The following KIN variants were observed in gnomAD, a reference collection of about 807,000 sequenced individuals.
The protein encoded by KIN is Kin17 DNA and RNA binding protein, also known as DNA/RNA-binding protein KIN17.
A neutral mutation model predicts 63.0 loss-of-function variants in KIN; 47 were observed. The observed-to-expected ratio is 0.75, with a 90% CI of 0.59 to 0.95. KIN has a LOEUF of 0.95. KIN is among the 40% of genes least tolerant of loss of function. KIN has a pLI of 0.00. For missense variants in KIN, 408 were observed against 460.9 expected (o/e 0.89, Z 1.05); for synonymous variants, 160 against 157.7 (o/e 1.01, Z -0.11).
intron 7 of KIN, among the ~76,000 whole-genome samples, chr10:7,771,303 T>C (rs1056318504): frequency 2.2e-4 from 34 of 152,226 alleles, no homozygotes; most frequent in African/African-American, 7.5e-4. Flanking sequence ...TAAGCAGTTA[T>C]TTTTGGCTTG....
chr10:7,781,459 T>C (rs1835892809), intron 2 of KIN, among the ~76,000 whole-genome samples: 1 of 152,050 alleles, frequency 6.6e-6, no homozygotes, highest in Non-Finnish European at 1.5e-5. Context: ...AAGCATTAAA[T>C]AATTTTGTTT....
Position 7,783,113 on chromosome 10 carries a change from T to C in KIN, c.177A>G (p.Glu59=). The C allele has an allele frequency of 6.2e-7, 1 of 1,602,978 alleles. No individual in the cohort carries two copies. The highest frequency in any genetic ancestry group is 8.5e-7 in the Non-Finnish European group (1 of 1,174,424). The part of the protein sequence containing the change: ...SHQRQLLLAS[E]NPQQFMDYFS... ...AATAATCCATAAACTGCTGAGGATT[T>C]TCTGAAGCCAGCAATAGTTGTCTCT... The change falls in exon 2 of 13, where the codon GAA becomes GAG. Residue 59 remains glutamate, a synonymous_variant. Coordinates refer to ENST00000379562, the MANE Select transcript of KIN (RefSeq NM_012311.4).
chr10:7,785,813 G>GAAAA (rs68002439), intron 1 of KIN, among the ~76,000 whole-genome samples: 1 of 135,476 alleles, frequency 7.4e-6, no homozygotes, highest in Non-Finnish European at 1.6e-5. Flanking sequence ...ACTCTGTCTA[G>GAAAA]AAAAAAAAAA....
rs142184021 is a variant in KIN, at chr10:7,755,892, T to C, written c.*188A>G. The C allele has an allele frequency of 5.9e-4, 244 of 415,916 alleles. 1 individual carries two copies. The highest frequency in any genetic ancestry group is 4.7e-3 in the African/African-American group (229 of 49,228). 25.8% of individuals were successfully genotyped at this position (415,916 alleles called of 1,614,324 possible). On this transcript the variant is annotated 3_prime_UTR_variant, in exon 13 of 13. Transcript: ENST00000379562. ...AATAACAAGGACAAAATTACATAGT[T>C]TGATACCTCATGAGACATAATTAAA...
At chr10:7,756,850 T>G (rs1835341751) in intron 12 of KIN, among the ~76,000 whole-genome samples, 2 of 152,196 alleles carry the variant, frequency 1.3e-5, no homozygotes, top group Admixed American at 6.5e-5. Flanking sequence ...AACTTTAACT[T>G]TATTTTCTTC....
Position 7,774,898 on chromosome 10 carries a change from G to GA in KIN, c.608-8dup, listed in dbSNP as rs781447865. On this transcript the variant is annotated splice_region_variant and splice_polypyrimidine_tract_variant and intron_variant, in intron 6 of 12. Transcript: ENST00000379562. The stretch of plus-strand genomic sequence containing the variant: ...TTACTCAAATTAAACGTGACTAGAA[G>GA]AAAAAAATGTTATTCCATACATACA... The GA allele has an allele frequency of 2.5e-6, 4 of 1,601,828 alleles. No individual in the cohort carries two copies. The highest frequency in any genetic ancestry group is 1.1e-5 in the South Asian group (1 of 90,584).
rs527862218 is a variant in KIN at position 7,760,590 on chromosome 10, C to A, written c.1019-600G>T. ...TTTGGTTACTCTCAGTCAGCGTGGT[C>A]CAAAAATAGGTGTGTAAAGTACAAT... On this transcript the variant is annotated intron_variant, in intron 11 of 12. Transcript: ENST00000379562. 4.6e-5 allele frequency among the ~76,000 whole-genome samples: 7 copies of A among 152,166 alleles called. No homozygotes were observed. The East Asian group carries it at 1.4e-3, about 29-fold the overall frequency.
At chr10:7,758,078 CTTTT>C (rs200701372) in intron 12 of KIN, among the ~76,000 whole-genome samples, 1 of 134,726 alleles carries the variant, frequency 7.4e-6, no homozygotes. Flanking sequence ...GACAGATTCC[CTTTT>C]TTTTTTTTTT....
chr10:7,769,274 C>T lies in KIN; in HGVS notation c.740G>A (p.Ser247Asn). Reference protein sequence around the residue: ...ASVKRKESSQSSTQSKEKKKK... With the variant: ...ASVKRKESSQNSTQSKEKKKK... ...CTTCTTTTCTTTAGACTGAGTTGAG[C>T]TCTGGGAAGATTCTTTTCGTTTCAC... The change falls in exon 8 of 13, where the codon AGC becomes AAC. Residue 247 changes from serine (S) to asparagine (N), a missense_variant. Ser to Asn is a conservative substitution (Grantham distance 46). Transcript: ENST00000379562. 6.2e-7 allele frequency: 1 copy of T among 1,613,656 alleles called. No individual in the cohort carries two copies. Among genetic ancestry groups the T allele is most frequent in the Non-Finnish European group, 8.5e-7 (1 of 1,179,764 alleles).
At chr10:7,782,417 T>A (rs1386780289) in intron 2 of KIN, among the ~76,000 whole-genome samples, 7 of 151,470 alleles carry the variant, frequency 4.6e-5, no homozygotes, top group Admixed American at 2.6e-4. Context: ...TTTTTTTTTT[T>A]AGACAGAGTC....
intron 1 of KIN, among the ~76,000 whole-genome samples, chr10:7,785,244 C>G (rs1312991783): frequency 7.2e-6 from 1 of 138,758 alleles, no homozygotes; most frequent in African/African-American, 2.9e-5. Context: ...CAATTGAGAC[C>G]TTGTCTCAAA....
chr10:7,763,380 A>G (rs892418698), intron 10 of KIN, among the ~76,000 whole-genome samples: 1 of 152,254 alleles, frequency 6.6e-6, no homozygotes, highest in African/African-American at 2.4e-5. Flanking sequence ...AAGTAATTGC[A>G]GTTTTTGCCA....
Position 7,775,750 on chromosome 10 carries a change from C to T in KIN, c.607+1G>A. ...AAAGAAAAAATAAAAAATAAAACTA[C>T]CTTTCTCTTCATCATTTTCTCTGCT... On this transcript the variant is annotated splice_donor_variant, in intron 6 of 12. Transcript: ENST00000379562. LOFTEE classifies it high-confidence loss of function. 1 of 1,497,770 alleles carries T rather than the reference C, an allele frequency of 6.7e-7. No individual in the cohort carries two copies. The highest frequency in any genetic ancestry group is 9.1e-7 in the Non-Finnish European group (1 of 1,101,252). The allele number at this position is 1,497,770 out of a possible 1,614,324, so 92.8% of individuals were successfully genotyped here. A position where few individuals can be genotyped will look rare whatever the true frequency, so the allele number is the denominator to read the frequency against.
At chr10:7,770,820 G>T (rs1355549215) in intron 7 of KIN, among the ~76,000 whole-genome samples, 1 of 152,076 alleles carries the variant, frequency 6.6e-6, no homozygotes, top group Non-Finnish European at 1.5e-5. Context: ...CCTTTATTTG[G>T]ACTTTAAAAA....
intron 11 of KIN, 140 bp downstream of exon 11, chr10:7,762,317 C>A: frequency 2.1e-6 from 1 of 487,386 alleles, no homozygotes; most frequent in Non-Finnish European, 3.6e-6. Flanking sequence ...TGAATCCAAA[C>A]AGAGATGAGT....
chr10:7,778,108 C>G (rs1023071429), intron 5 of KIN, among the ~76,000 whole-genome samples: 3 of 152,102 alleles, frequency 2.0e-5, no homozygotes, highest in African/African-American at 7.2e-5. Context: ...TTCAAGACTC[C>G]TGGGCACTGG....
rs376431638 is a variant in KIN, at chr10:7,763,714, C to T, written c.918+9G>A. 2.2e-5 allele frequency: 31 copies of T among 1,437,916 alleles called. No homozygotes were observed. The highest frequency in any genetic ancestry group is 1.8e-4 in the Middle Eastern group (1 of 5,690). 89.1% of individuals were successfully genotyped at this position (1,437,916 alleles called of 1,614,324 possible). On this transcript the variant is annotated intron_variant, in intron 10 of 12. Coordinates refer to ENST00000379562, the MANE Select transcript of KIN (RefSeq NM_012311.4). Reference sequence around the variant, plus strand: ...TTCACAAATTCCATTCATAATTGCACGTCCTTACCTTAACAATAGCCTTTT... The same window carrying T: ...TTCACAAATTCCATTCATAATTGCATGTCCTTACCTTAACAATAGCCTTTT...
At position 7,763,662 on chromosome 10, in the gene KIN, T is replaced by G. The variant is rs142052690; in HGVS notation, c.918+61A>C. ...ACTTGATTTTCAAGAAATACCAAAA[T>G]AGCTTCACTCAGTGACCCAAGCTTT... On this transcript the variant is annotated intron_variant, in intron 10 of 12. Transcript: ENST00000379562. The G allele has an allele frequency of 3.9e-3, 3,445 of 874,464 alleles. 18 individuals carry two copies. Among genetic ancestry groups the G allele is most frequent in the Admixed American group, 0.012 (525 of 44,852 alleles). The allele number at this position is 874,464 out of a possible 1,614,324, so 54.2% of individuals were successfully genotyped here. A position where few individuals can be genotyped will look rare whatever the true frequency, so the allele number is the denominator to read the frequency against.
intron 6 of KIN, among the ~76,000 whole-genome samples, chr10:7,775,115 C>A: frequency 6.6e-6 from 1 of 152,170 alleles, no homozygotes; most frequent in East Asian, 1.9e-4. Context: ...GCAGACCACA[C>A]CGGCGCTTCC....
Sources: allele counts gnomAD v4.1 joint callset (sites outside exome capture counted in the v4.1 genomes callset), GRCh38; gene constraint gnomAD v4.1.1; transcripts MANE v1.5; gene names NCBI Gene and HGNC (gene_info 2026-07-23, HGNC 2026-07-21).